The following PTPRM variants were observed in gnomAD, a reference collection of about 807,000 sequenced individuals.
PTPRM encodes protein tyrosine phosphatase receptor type M.
Under a neutral mutation model 186.7 loss-of-function variants are expected in PTPRM, and 47 were observed. That is an observed-to-expected ratio of 0.25 (90% CI 0.20 to 0.32). The LOEUF (loss-of-function observed/expected upper bound fraction) is 0.32, where lower values mean the gene tolerates loss of function less well. Ranked by LOEUF, PTPRM falls within the 10% of genes least tolerant of loss-of-function variation. PTPRM has a pLI of 1.00. For synonymous variants in PTPRM, 668 were observed against 674.9 expected, an observed-to-expected ratio of 0.99 and a Z score of 0.16; for missense variants, 1,494 against 1,865.0, an observed-to-expected ratio of 0.80 and a Z score of 3.66.
rs866356731 is a variant in PTPRM at position 7,966,861 on chromosome 18, C to T, written c.1132+11447C>T. ...AGCAGTCTGAGATCAAACCGCAAGG[C>T]GGCAGCGAGGCTGGGGGAGGGGCGC... On this transcript the variant is annotated intron_variant, in intron 7 of 32. Coordinates refer to ENST00000580170, the MANE Select transcript of PTPRM (RefSeq NM_001105244.2). Among the ~76,000 whole-genome samples, 896 of 127,554 alleles carry T rather than the reference C, an allele frequency of 7.0e-3. 49 individuals are homozygous for T. Among genetic ancestry groups the T allele is most frequent in the African/African-American group, 0.022 (853 of 39,046 alleles). 83.7% of individuals were successfully genotyped at this position (127,554 alleles called of 152,430 possible).
chr18:7,979,727 A>G (rs1383842522), intron 7 of PTPRM, among the ~76,000 whole-genome samples: 1 of 152,210 alleles, frequency 6.6e-6, no homozygotes, highest in East Asian at 1.9e-4. Flanking sequence ...GTGTTGTGCT[A>G]AGTGTTCCCT....
At chr18:8,300,805 A>G (rs2095148759) in intron 20 of PTPRM, among the ~76,000 whole-genome samples, 2 of 152,152 alleles carry the variant, frequency 1.3e-5, no homozygotes, top group South Asian at 2.1e-4. Context: ...TCAAAAAGAG[A>G]CTTCTCTGTC....
At chr18:7,882,102 C>T (rs1229668413) in intron 2 of PTPRM, among the ~76,000 whole-genome samples, 2 of 152,132 alleles carry the variant, frequency 1.3e-5, no homozygotes, top group Non-Finnish European at 1.5e-5. Context: ...CAGATCAGAG[C>T]TGGCCCACTC....
At chr18:8,397,191 C>T (rs2095849294) in intron 32 of PTPRM, among the ~76,000 whole-genome samples, 1 of 152,224 alleles carries the variant, frequency 6.6e-6, no homozygotes, top group South Asian at 2.1e-4. Flanking sequence ...GAGGGGCCCT[C>T]GCCCCAGCCC....
chr18:8,342,842 A>G (rs1327389105), intron 22 of PTPRM, among the ~76,000 whole-genome samples: 2 of 152,168 alleles, frequency 1.3e-5, no homozygotes, highest in Non-Finnish European at 2.9e-5. Context: ...GTAGATGGCT[A>G]TTTATGTTCT....
At chr18:8,222,890 C>G (rs955876755) in intron 14 of PTPRM, among the ~76,000 whole-genome samples, 2 of 150,176 alleles carry the variant, frequency 1.3e-5, no homozygotes, top group African/African-American at 4.8e-5. Context: ...GAGTTCGAGA[C>G]CAGCTTGGGC....
In PTPRM at chr18:8,244,170, G is replaced by A; in HGVS notation, c.2413G>A (p.Ala805Thr). 6.3e-7 allele frequency: 1 copy of A among 1,595,220 alleles called. No homozygotes were observed. Among genetic ancestry groups the A allele is most frequent in the South Asian group, 1.2e-5 (1 of 86,666 alleles). The change falls in exon 15 of 33, where the codon GCT becomes ACT. Residue 805 changes from alanine to threonine, a missense_variant. Physicochemically the swap from Ala to Thr is moderately conservative, Grantham distance 58. This residue lies in a region of PTPRM where 1,107 missense variants were observed against 1,350.2 expected (regional missense o/e 0.82). Transcript: ENST00000580170. The part of the protein sequence containing the change: ...YAEQGTNCDE[A>T]FSFMDTHNLN... ...TGAGCAGGGCACAAACTGCGACGAG[G>A]CTTTCTCATTCATGGACACGCACAA...
intron 6 of PTPRM, among the ~76,000 whole-genome samples, chr18:7,952,323 C>G (rs146626428): frequency 1.7e-3 from 252 of 152,324 alleles, no homozygotes; most frequent in Middle Eastern, 6.8e-3. Context: ...CATTTTATCA[C>G]TTTGTACAGA....
intron 7 of PTPRM, among the ~76,000 whole-genome samples, chr18:7,998,263 T>G (rs2083659099): frequency 6.6e-6 from 1 of 151,858 alleles, no homozygotes; most frequent in East Asian, 1.9e-4. Context: ...TTATGTTAAA[T>G]TAAACAAGGC....
chr18:7,945,474 A>T (rs2052462578), intron 5 of PTPRM, among the ~76,000 whole-genome samples: 1 of 151,966 alleles, frequency 6.6e-6, no homozygotes, highest in African/African-American at 2.4e-5. Flanking sequence ...CAAAAAAAAA[A>T]AGAGAATATG....
chr18:8,372,721 GAA>G (rs5823006), intron 24 of PTPRM, among the ~76,000 whole-genome samples: 5,526 of 145,694 alleles, frequency 0.038, 127 homozygotes, highest in East Asian at 0.095. Flanking sequence ...GGCAGAATTG[GAA>G]AAAAAAAAAA....
intron 31 of PTPRM, among the ~76,000 whole-genome samples, chr18:8,393,673 C>T (rs2148594168): frequency 6.6e-6 from 1 of 152,312 alleles, no homozygotes; most frequent in Admixed American, 6.5e-5. Flanking sequence ...TATGCATTCT[C>T]TATGCTATTT....
chr18:7,926,166 T>C (rs950194449), intron 4 of PTPRM, among the ~76,000 whole-genome samples: 2 of 152,252 alleles, frequency 1.3e-5, no homozygotes, highest in African/African-American at 4.8e-5. Flanking sequence ...ATCATTTAAC[T>C]TCTTACTGTT....
In PTPRM at chr18:8,380,328, C is replaced by T; in HGVS notation, c.3819C>T (p.Thr1273=). 1.2e-6 allele frequency: 2 copies of T among 1,613,826 alleles called. No individual in the cohort carries two copies. The highest frequency in any genetic ancestry group is 1.7e-6 in the Non-Finnish European group (2 of 1,179,742). ...AACAGCCTTCAGCTTTTATAGTCAC[C>T]CAGCATCCTTTGCCAAACACAGTGA... is the stretch of plus-strand genomic sequence containing the variant. The part of the protein sequence containing the change: ...SYKQPSAFIV[T]QHPLPNTVKD... The change falls in exon 29 of 33, where the codon ACC becomes ACT. Residue 1273 remains threonine (T), a synonymous_variant. Coordinates refer to ENST00000580170, the MANE Select transcript of PTPRM (RefSeq NM_001105244.2).
chr18:8,247,985 C>T, intron 16 of PTPRM, 66 bp downstream of exon 16: 1 of 1,425,828 alleles, frequency 7.0e-7, no homozygotes, highest in Non-Finnish European at 9.9e-7. Context: ...TCCGCCCTCT[C>T]TCTGCTATCC....
chr18:8,245,437 C>T (rs1271956656), intron 15 of PTPRM, among the ~76,000 whole-genome samples: 2 of 152,126 alleles, frequency 1.3e-5, no homozygotes, highest in Non-Finnish European at 2.9e-5. Context: ...TTACCCTTTC[C>T]TGTCATTTTC....
At chr18:7,589,363 T>C (rs2037064587) in intron 1 of PTPRM, among the ~76,000 whole-genome samples, 1 of 152,134 alleles carries the variant, frequency 6.6e-6, no homozygotes, top group African/African-American at 2.4e-5. Context: ...ATCTACCTGA[T>C]CCTAGCACAG....
At chr18:8,290,925 T>C (rs1415229415) in intron 19 of PTPRM, among the ~76,000 whole-genome samples, 1 of 152,216 alleles carries the variant, frequency 6.6e-6, no homozygotes, top group Non-Finnish European at 1.5e-5. Context: ...GTTGGTGTGT[T>C]AAATTATACC....
At chr18:7,927,548 C>A (rs530335860) in intron 5 of PTPRM, among the ~76,000 whole-genome samples, 2 of 151,686 alleles carry the variant, frequency 1.3e-5, no homozygotes, top group Middle Eastern at 3.2e-3. Flanking sequence ...GGGTTTTAAC[C>A]CTTCTGTGTA....
Sources: allele counts gnomAD v4.1 joint callset (sites outside exome capture counted in the v4.1 genomes callset), GRCh38; gene constraint gnomAD v4.1.1; regional missense constraint gnomAD v4.1.1; transcripts MANE v1.5; gene names NCBI Gene and HGNC (gene_info 2026-07-23, HGNC 2026-07-21).